Variants in EVA1A observed in about 807,000 individuals in gnomAD.
EVA1A encodes the protein eva-1 homolog A, regulator of programmed cell death.
EVA1A carries 7 observed loss-of-function variants against 9.8 expected under a neutral mutation model. The ratio of observed to expected loss-of-function variants is 0.71; its 90% CI spans 0.41 to 1.34. The LOEUF is 1.34. Among genes scored for constraint, EVA1A ranks in the 40% most tolerant of loss-of-function variants. EVA1A has a pLI of 0.01. For missense variants in EVA1A, 206 were observed against 205.9 expected (o/e 1.00, Z 0.00); for synonymous variants, 90 against 85.6 (o/e 1.05, Z -0.28).
rs1245797476 is a variant in EVA1A at position 75,493,368 on chromosome 2, C to T, written c.327G>A (p.Lys109=). The change falls in exon 4 of 4, where the codon AAG becomes AAA. Residue 109 remains lysine (K), a synonymous_variant. Coordinates refer to ENST00000393913, the MANE Select transcript of EVA1A (RefSeq NM_001135032.2). ...GCTCCTCCGCAGAGGTGAACACATT[C>T]TTGTTCAAAGTCCTCTCGAAGCGGC... ...RHRRFERTLN[K]NVFTSAEELE... 1.2e-6 allele frequency: 2 copies of T among 1,614,142 alleles called. No individual in the cohort carries two copies. Among genetic ancestry groups the T allele is most frequent in the East Asian group, 2.2e-5 (1 of 44,896 alleles).
intron 1 of EVA1A, among the ~76,000 whole-genome samples, chr2:75,535,838 A>G (rs986215672): frequency 6.6e-6 from 1 of 152,164 alleles, no homozygotes; most frequent in African/African-American, 2.4e-5. Context: ...AACACACACT[A>G]TTCAGGTGAT....
intron 1 of EVA1A, among the ~76,000 whole-genome samples, chr2:75,528,399 C>T (rs985335095): frequency 1.7e-4 from 26 of 152,260 alleles, no homozygotes; most frequent in Non-Finnish European, 1.8e-4. Context: ...GCCCTGTGCA[C>T]CAGAGGCCTG....
chr2:75,543,575 ACCCCACCCCG>A (rs751502855), intron 1 of EVA1A, among the ~76,000 whole-genome samples: 7 of 151,650 alleles, frequency 4.6e-5, no homozygotes, highest in Admixed American at 1.3e-4. Flanking sequence ...CAGCACCCCC[ACCCCACCCCG>A]CAAGGAGCTG....
intron 1 of EVA1A, among the ~76,000 whole-genome samples, chr2:75,547,568 T>A (rs1203385644): frequency 6.6e-6 from 1 of 152,014 alleles, no homozygotes; most frequent in Non-Finnish European, 1.5e-5. Flanking sequence ...TACCCAAGAC[T>A]TTTTTTTCCT....
chr2:75,517,721 A>G (rs1219329881), intron 3 of EVA1A: 24 of 701,210 alleles, frequency 3.4e-5, no homozygotes, highest in Non-Finnish European at 6.4e-5. Flanking sequence ...TAGAATAACC[A>G]GGCTGAGGTA....
At chr2:75,537,095 A>G (rs1675936348) in intron 1 of EVA1A, among the ~76,000 whole-genome samples, 1 of 152,208 alleles carries the variant, frequency 6.6e-6, no homozygotes, top group Non-Finnish European at 1.5e-5. Flanking sequence ...AACGTATAAA[A>G]AGGATTTTTT....
chr2:75,539,113 C>T (rs1234264050), intron 1 of EVA1A, among the ~76,000 whole-genome samples: 1 of 152,162 alleles, frequency 6.6e-6, no homozygotes, highest in Non-Finnish European at 1.5e-5. Flanking sequence ...TTAGAGTCTT[C>T]CTGAACCATA....
At chr2:75,542,806 C>G (rs1308099385) in intron 1 of EVA1A, 1 of 152,172 alleles carries the variant, frequency 6.6e-6, no homozygotes, top group Non-Finnish European at 1.5e-5. Context: ...TGGAGTTTGG[C>G]TGGTTTGTAG....
intron 2 of EVA1A, among the ~76,000 whole-genome samples, chr2:75,519,462 C>T (rs1179489903): frequency 2.0e-5 from 3 of 152,148 alleles, no homozygotes; most frequent in South Asian, 4.1e-4. Flanking sequence ...AAGACCAAAA[C>T]AAGAAAACAC....
At chr2:75,531,823 G>T (rs114315197) in intron 1 of EVA1A, among the ~76,000 whole-genome samples, 9,021 of 152,158 alleles carry the variant, frequency 0.059, 368 homozygotes, top group Middle Eastern at 0.15. Context: ...CACTGCTTGG[G>T]TGATACTTGC....
At chr2:75,518,916 G>A in intron 2 of EVA1A, 1 of 969,456 alleles carries the variant, frequency 1.0e-6, no homozygotes. Context: ...ATATCTACAG[G>A]AATTTGAGAG....
chr2:75,562,528 C>A (rs1281333261), upstream of EVA1A, among the ~76,000 whole-genome samples: 1 of 152,236 alleles, frequency 6.6e-6, no homozygotes, highest in Non-Finnish European at 1.5e-5. Flanking sequence ...GTAGAAAGGG[C>A]CCTTGTTTCC....
intron 3 of EVA1A, among the ~76,000 whole-genome samples, chr2:75,499,594 G>A (rs569934085): frequency 1.3e-5 from 2 of 152,332 alleles, no homozygotes; most frequent in South Asian, 4.1e-4. Context: ...TCTTGGACCT[G>A]TCTACTTTGT....
chr2:75,550,826 A>C (rs915860974), intron 1 of EVA1A, among the ~76,000 whole-genome samples: 1 of 152,216 alleles, frequency 6.6e-6, no homozygotes, highest in Admixed American at 6.5e-5. Context: ...TGACCACTCT[A>C]TAATATGTGC....
At chr2:75,499,975 A>T (rs758793125) in intron 3 of EVA1A, among the ~76,000 whole-genome samples, 5 of 152,178 alleles carry the variant, frequency 3.3e-5, no homozygotes, top group Non-Finnish European at 7.3e-5. Flanking sequence ...TCTTTCCTAT[A>T]TTGGATCCGC....
intron 1 of EVA1A, among the ~76,000 whole-genome samples, chr2:75,568,260 T>C (rs573680219): frequency 4.9e-4 from 74 of 152,080 alleles, no homozygotes; most frequent in African/African-American, 1.7e-3. Flanking sequence ...CCCATGTTTA[T>C]GTTAATAATG....
chr2:75,533,574 T>C (rs1315624291), intron 1 of EVA1A, among the ~76,000 whole-genome samples: 1 of 152,150 alleles, frequency 6.6e-6, no homozygotes, highest in African/African-American at 2.4e-5. Flanking sequence ...AGGCTTTCCT[T>C]TTCCTCATGA....
At chr2:75,566,364 T>G (rs990571124) in intron 1 of EVA1A, among the ~76,000 whole-genome samples, 3 of 102,470 alleles carry the variant, frequency 2.9e-5, no homozygotes, top group African/African-American at 8.6e-5. Context: ...AGGCCTTGTC[T>G]TTTTTTTCAG....
intron 1 of EVA1A, among the ~76,000 whole-genome samples, chr2:75,568,864 T>C (rs1406014589): frequency 1.3e-5 from 2 of 152,246 alleles, no homozygotes; most frequent in Non-Finnish European, 2.9e-5. Flanking sequence ...GGTTGGTTGA[T>C]GAGCACTTAA....
Sources: gnomAD v4.1 joint callset for allele counts (sites outside exome capture counted in the v4.1 genomes callset) on GRCh38, gnomAD v4.1.1 for gene constraint, MANE v1.5 for transcripts, NCBI Gene and HGNC (gene_info 2026-07-23, HGNC 2026-07-21) for gene names.